Variants in ATP9B observed in about 807,000 individuals in gnomAD.
ATP9B encodes the protein ATPase phospholipid transporting 9B.
A neutral mutation model predicts 146.1 loss-of-function variants in ATP9B; 110 were observed. The ratio of observed to expected loss-of-function variants is 0.75; its 90% CI spans 0.65 to 0.88. The LOEUF is 0.88. ATP9B is among the 40% of genes least tolerant of loss of function. The pLI is 0.00. For synonymous variants in ATP9B, 604 were observed against 569.7 expected (o/e 1.06, Z -0.86); for missense variants, 1,499 against 1,496.4 (o/e 1.00, Z -0.03).
In ATP9B at chr18:79,099,245, C is replaced by T. The variant is rs79519558; in HGVS notation, c.293+2596C>T. 8.9e-3 allele frequency among the ~76,000 whole-genome samples: 1,344 copies of T among 151,718 alleles called. 52 individuals are homozygous for T. Among genetic ancestry groups the T allele is most frequent in the Admixed American group, 0.07 (1,060 of 15,204 alleles). The stretch of plus-strand genomic sequence containing the variant: ...TTTTCTTTCTTTTCTTTTCTTGAGA[C>T]GGAGTCTTGCTTTGTTGCCAGGCTG... On this transcript the variant is annotated intron_variant, in intron 2 of 29. Transcript: ENST00000426216.
At chr18:79,326,920 G>A (rs1039648119) in intron 15 of ATP9B, among the ~76,000 whole-genome samples, 5 of 151,828 alleles carry the variant, frequency 3.3e-5, no homozygotes, top group Admixed American at 2.0e-4. Context: ...CTCATTTCTC[G>A]AATCCTTGCT....
chr18:79,103,749 C>T lies in ATP9B; in HGVS notation c.294-6606C>T, dbSNP rs149327273. On this transcript the variant is annotated intron_variant, in intron 2 of 29. Coordinates refer to ENST00000426216, the MANE Select transcript of ATP9B (RefSeq NM_198531.5). ...AAAATCAATAATAATTTGTATTGAA[C>T]TTGGCATAAATTTATGGTGATGAGT... Among the ~76,000 whole-genome samples, 6 of 152,172 alleles carry T rather than the reference C, an allele frequency of 3.9e-5. No individual in the cohort carries two copies. The East Asian group carries it at 1.2e-3, about 29-fold the overall frequency.
intron 11 of ATP9B, among the ~76,000 whole-genome samples, chr18:79,248,102 C>T (rs903447469): frequency 1.3e-5 from 2 of 152,090 alleles, no homozygotes; most frequent in Non-Finnish European, 2.9e-5. Flanking sequence ...ATCACTGAGG[C>T]GATAAACGAT....
At chr18:79,257,033 C>G (rs1309023817) in intron 12 of ATP9B, among the ~76,000 whole-genome samples, 1 of 152,198 alleles carries the variant, frequency 6.6e-6, no homozygotes, top group African/African-American at 2.4e-5. Flanking sequence ...GGCGCAGGGG[C>G]TCACGCCTGT....
chr18:79,118,390 GTTTTTTTTTTTTTTTT>G (rs752788043), intron 4 of ATP9B, among the ~76,000 whole-genome samples: 3 of 93,238 alleles, frequency 3.2e-5, no homozygotes, highest in Non-Finnish European at 4.3e-5. Context: ...GAACGTTTTT[GTTTTTTTTTTTTTTTT>G]TTTTTTTTTT....
At chr18:79,167,286 A>C (rs1481548188) in intron 7 of ATP9B, among the ~76,000 whole-genome samples, 1 of 152,182 alleles carries the variant, frequency 6.6e-6, no homozygotes, top group African/African-American at 2.4e-5. Flanking sequence ...AGAACAAGGT[A>C]TATGGACAAC....
chr18:79,133,313 G>A (rs969210375), intron 5 of ATP9B, among the ~76,000 whole-genome samples: 14 of 152,116 alleles, frequency 9.2e-5, no homozygotes, highest in African/African-American at 2.4e-4. Context: ...TATTAGATTG[G>A]TGCAAAAATA....
At chr18:79,215,071 C>A (rs957356608) in intron 11 of ATP9B, among the ~76,000 whole-genome samples, 5 of 149,996 alleles carry the variant, frequency 3.3e-5, no homozygotes, top group African/African-American at 1.2e-4. Flanking sequence ...TAGCTCAAAC[C>A]CGGGAGGTGG....
At chr18:79,206,742 G>A (rs1466606978) in intron 9 of ATP9B, among the ~76,000 whole-genome samples, 195 bp from the exon 10 acceptor site, 1 of 152,160 alleles carries the variant, frequency 6.6e-6, no homozygotes, top group Non-Finnish European at 1.5e-5. Flanking sequence ...GCAATTAATT[G>A]ATTACAGGAG....
chr18:79,112,017 A>G (rs547884460), intron 3 of ATP9B, among the ~76,000 whole-genome samples: 1 of 152,024 alleles, frequency 6.6e-6, no homozygotes, highest in South Asian at 2.1e-4. Flanking sequence ...AGATTAATTT[A>G]TGAAATAATT....
At chr18:79,077,141 T>G (rs2072717403) in intron 1 of ATP9B, among the ~76,000 whole-genome samples, 1 of 152,226 alleles carries the variant, frequency 6.6e-6, no homozygotes. Context: ...TCTTTTCTCA[T>G]TTGAGTTGAA....
At chr18:79,193,745 G>A (rs2095391795) in intron 9 of ATP9B, among the ~76,000 whole-genome samples, 1 of 152,156 alleles carries the variant, frequency 6.6e-6, no homozygotes, top group Admixed American at 6.5e-5. Context: ...GACTAACAGG[G>A]CTTGAGAGAC....
At chr18:79,191,494 A>G (rs1368838417) in intron 8 of ATP9B, among the ~76,000 whole-genome samples, 1 of 152,136 alleles carries the variant, frequency 6.6e-6, no homozygotes, top group African/African-American at 2.4e-5. Flanking sequence ...TCATGGTTCT[A>G]TGACTGTATT....
intron 4 of ATP9B, among the ~76,000 whole-genome samples, chr18:79,119,679 A>G (rs564622628): frequency 6.6e-6 from 1 of 152,300 alleles, no homozygotes; most frequent in East Asian, 1.9e-4. Flanking sequence ...TGAGTATCAT[A>G]TTGTTCGATC....
chr18:79,337,231 C>T (rs1293078538), intron 18 of ATP9B, 48 bp from the exon 19 acceptor site: 2 of 1,602,060 alleles, frequency 1.2e-6, no homozygotes, highest in East Asian at 2.3e-5. Context: ...GGAGTCCACA[C>T]ACAGCACGTA....
At chr18:79,186,073 AT>A (rs1243472967) in intron 8 of ATP9B, among the ~76,000 whole-genome samples, 1 of 152,162 alleles carries the variant, frequency 6.6e-6, no homozygotes, top group East Asian at 1.9e-4. Flanking sequence ...TTTGGGAAAT[AT>A]GTTTCTGGCT....
At chr18:79,324,510 G>A (rs1161127162) in intron 15 of ATP9B, among the ~76,000 whole-genome samples, 1 of 152,124 alleles carries the variant, frequency 6.6e-6, no homozygotes, top group Non-Finnish European at 1.5e-5. Context: ...CACAGATACA[G>A]ATGTCAAGCA....
chr18:79,307,966 A>C (rs997038441), intron 15 of ATP9B, among the ~76,000 whole-genome samples: 2 of 152,212 alleles, frequency 1.3e-5, no homozygotes, highest in Admixed American at 1.3e-4. Context: ...TGTCATATAC[A>C]TAAATAATTG....
In ATP9B at chr18:79,347,856, C is replaced by T; in HGVS notation, c.2769C>T (p.Asn923=). Residue 923 remains asparagine, a synonymous_variant, in exon 24 of 30, where the codon AAC becomes AAT. Coordinates refer to ENST00000426216, the MANE Select transcript of ATP9B (RefSeq NM_198531.5). ...GGCTGCTCATGGTGCACGGGCGGAA[C>T]AGCTACAAGAGGTCGGCGGCACTCG... is the stretch of plus-strand genomic sequence containing the variant. The part of the protein sequence containing the change: ...IGRLLMVHGR[N]SYKRSAALGQ... 6.2e-7 allele frequency: 1 copy of T among 1,613,830 alleles called. No homozygotes were observed. Among genetic ancestry groups the T allele is most frequent in the Admixed American group, 1.7e-5 (1 of 59,996 alleles).
Sources: gnomAD v4.1 joint callset for allele counts (sites outside exome capture counted in the v4.1 genomes callset) on GRCh38, gnomAD v4.1.1 for gene constraint, MANE v1.5 for transcripts, NCBI Gene and HGNC (gene_info 2026-07-23, HGNC 2026-07-21) for gene names.